Variants in VPS37A observed in about 807,000 individuals in gnomAD.
VPS37A encodes the protein vacuolar protein sorting-associated protein 37A.
In VPS37A, 30 loss-of-function variants were observed where a neutral mutation model predicts 49.8. That is an observed-to-expected ratio of 0.60 (90% CI 0.45 to 0.82). The LOEUF (loss-of-function observed/expected upper bound fraction) is 0.82, where lower values mean the gene tolerates loss of function less well. Ranked by LOEUF, VPS37A falls within the 40% of genes least tolerant of loss-of-function variation. The pLI, the probability that VPS37A is intolerant of heterozygous loss-of-function variation, is 0.00. For missense variants in VPS37A, 593 were observed against 464.4 expected, an observed-to-expected ratio of 1.28 and a Z score of -2.55; for synonymous variants, 195 against 160.6, an observed-to-expected ratio of 1.21 and a Z score of -1.62.
Position 17,274,893 on chromosome 8 carries a change from G to A in VPS37A, c.577G>A (p.Ala193Thr), listed in dbSNP as rs374964443. ...TTSHTTAKPA[A>T]PSFGVLSNLP... ...AAGTCATACCACAGCCAAGCCTGCCGCTCCTTCATTTGGTGTCCTTTCAAA... is the reference window on the plus strand; with the variant it reads ...AAGTCATACCACAGCCAAGCCTGCCACTCCTTCATTTGGTGTCCTTTCAAA... The change falls in exon 5 of 12, where the codon GCT (alanine) becomes ACT (threonine). Residue 193 changes from alanine (A) to threonine (T), a missense_variant. Physicochemically the swap from Ala to Thr is moderately conservative, Grantham distance 58 (BLOSUM62 0). Coordinates refer to ENST00000324849, the MANE Select transcript of VPS37A (RefSeq NM_152415.3). 4.3e-5 allele frequency: 70 copies of A among 1,614,056 alleles called. No individual in the cohort carries two copies. The African/African-American group carries it at 6.1e-4, about 14-fold the overall frequency.
chr8:17,304,087 A>G (rs576225966), downstream of VPS37A, among the ~76,000 whole-genome samples: 98 of 152,308 alleles, frequency 6.4e-4, no homozygotes, highest in Non-Finnish European at 1.1e-3. Flanking sequence ...AGGCATTTGC[A>G]TTATTCTCTT....
the VPS37A span, among the ~76,000 whole-genome samples, chr8:17,328,286 A>G: frequency 0.61 from 93,140 of 151,916 alleles, 30,151 homozygotes; most frequent in African/African-American, 0.82. Context: ...GTAACTCCAT[A>G]CACCTTTCCA....
chr8:17,318,750 A>G, the VPS37A span, among the ~76,000 whole-genome samples: 1 of 152,052 alleles, frequency 6.6e-6, no homozygotes, highest in Non-Finnish European at 1.5e-5. Flanking sequence ...GCCCACTCCA[A>G]TCTGTCCTCA....
Position 17,247,199 on chromosome 8 carries a change from G to A in VPS37A, c.-46G>A. 6.4e-7 allele frequency: 1 copy of A among 1,556,040 alleles called. No homozygotes were observed. Among genetic ancestry groups the A allele is most frequent in the Non-Finnish European group, 8.7e-7 (1 of 1,150,052 alleles). ...CCGCCGGGCCGAGCCACTGGGAGAA[G>A]CAGGCCAGAGCCTTCCAGGGCCTCC... On this transcript the variant is annotated 5_prime_UTR_variant, in exon 1 of 12. Transcript: ENST00000324849.
the VPS37A span, among the ~76,000 whole-genome samples, chr8:17,329,746 T>TA: frequency 6.6e-6 from 1 of 152,242 alleles, no homozygotes; most frequent in East Asian, 1.9e-4. Flanking sequence ...TTTCAACACA[T>TA]AAAAAACATA....
intron 4 of VPS37A, chr8:17,272,116 C>T (rs1814052758): frequency 1.3e-5 from 6 of 455,902 alleles, no homozygotes; most frequent in South Asian, 9.3e-5. Flanking sequence ...GTAAACTTTC[C>T]ACTAATAAAA....
At chr8:17,298,778 A>G (rs962102671), downstream of VPS37A, 15 of 152,602 alleles carry the variant, frequency 9.8e-5, no homozygotes, top group African/African-American at 3.6e-4. Flanking sequence ...AACTCATAAG[A>G]TAGGGGAGGG....
At position 17,247,084 on chromosome 8, in the gene VPS37A, G is replaced by C. The variant is rs1220873999; in HGVS notation, c.-161G>C. On this transcript the variant is annotated 5_prime_UTR_variant, in exon 1 of 12. Transcript: ENST00000324849. The stretch of plus-strand genomic sequence containing the variant: ...GTTCGTAGCATGTCCCCCAGAACTC[G>C]GGGAGCGCAGGCAGGACAGGCTTAG... 7 of 923,318 alleles carry C rather than the reference G, an allele frequency of 7.6e-6. 1 individual carries two copies. Among genetic ancestry groups the C allele is most frequent in the Non-Finnish European group, 3.2e-6 (2 of 626,110 alleles). The allele number at this position is 923,318 out of a possible 1,614,324, so 57.2% of individuals were successfully genotyped here.
chr8:17,309,070 ATTAG>A, the VPS37A span, among the ~76,000 whole-genome samples: 324 of 152,362 alleles, frequency 2.1e-3, 1 homozygote, highest in Middle Eastern at 3.4e-3. Flanking sequence ...ACAAGTTAAC[ATTAG>A]TTAGTTCTGC....
intron 9 of VPS37A, among the ~76,000 whole-genome samples, chr8:17,281,511 A>G (rs1204639934): frequency 1.3e-5 from 2 of 151,982 alleles, no homozygotes; most frequent in East Asian, 1.9e-4. Flanking sequence ...CTTATTTGAA[A>G]AAGAATACTA....
downstream of VPS37A, among the ~76,000 whole-genome samples, chr8:17,300,669 G>GTT (rs1817052488): frequency 6.6e-6 from 1 of 152,118 alleles, no homozygotes; most frequent in African/African-American, 2.4e-5. Context: ...GTGGTTTTTA[G>GTT]TTATATTCAC....
At chr8:17,313,383 G>A in the VPS37A span, 1 of 1,610,356 alleles carries the variant, frequency 6.2e-7, no homozygotes, top group Non-Finnish European at 8.5e-7. Context: ...ACTCATGGAG[G>A]GAGATTTAAG....
At chr8:17,250,473 T>C (rs1811869814) in intron 1 of VPS37A, among the ~76,000 whole-genome samples, 1 of 152,224 alleles carries the variant, frequency 6.6e-6, no homozygotes. Context: ...ATGAGGAATA[T>C]CAATATCTTG....
intron 11 of VPS37A, among the ~76,000 whole-genome samples, chr8:17,294,668 C>T (rs564443662): frequency 3.2e-4 from 49 of 152,272 alleles, no homozygotes; most frequent in African/African-American, 1.2e-3. Context: ...TCAAGGCTTC[C>T]CTTGGCTAGG....
intron 11 of VPS37A, among the ~76,000 whole-genome samples, chr8:17,292,844 C>A (rs964404172): frequency 1.3e-5 from 2 of 152,192 alleles, no homozygotes; most frequent in African/African-American, 4.8e-5. Flanking sequence ...TGATGGGCTT[C>A]CCTTTGTGGG....
Position 17,248,261 on chromosome 8 carries a change from C to CCTTTTTTTTTTTTTTTTTT in VPS37A, c.125+892_125+893insCTTTTTTTTTTTTTTTTTT. The stretch of plus-strand genomic sequence containing the variant: ...GACAACATTGTTAAGTCCCTAACCC[C>CCTTTTTTTTTTTTTTTTTT]TTTTTTTTTTTTTTTTTTTGCCGGG... On this transcript the variant is annotated intron_variant, in intron 1 of 11. Coordinates refer to ENST00000324849, the MANE Select transcript of VPS37A (RefSeq NM_152415.3). The CCTTTTTTTTTTTTTTTTTT allele has an allele frequency of 5.0e-6, 2 of 397,000 alleles. 1 individual carries two copies. Among genetic ancestry groups the CCTTTTTTTTTTTTTTTTTT allele is most frequent in the Non-Finnish European group, 9.8e-6 (2 of 205,022 alleles). The allele number at this position is 397,000 out of a possible 1,614,324, so 24.6% of individuals were successfully genotyped here.
At chr8:17,327,045 A>G in the VPS37A span, among the ~76,000 whole-genome samples, 4 of 152,236 alleles carry the variant, frequency 2.6e-5, no homozygotes, top group South Asian at 4.1e-4. Flanking sequence ...TGTATAGTGA[A>G]TAAGAATATG....
chr8:17,285,681 C>A (rs986114714), intron 10 of VPS37A, among the ~76,000 whole-genome samples: 3 of 152,106 alleles, frequency 2.0e-5, no homozygotes, highest in Non-Finnish European at 4.4e-5. Flanking sequence ...TAGTGACTTA[C>A]TTATGGTTAT....
chr8:17,259,478 GT>G (rs1452691404), intron 1 of VPS37A, among the ~76,000 whole-genome samples: 1 of 152,040 alleles, frequency 6.6e-6, no homozygotes, highest in Non-Finnish European at 1.5e-5. Context: ...GTTCAGACTT[GT>G]TTTCTGGCCT....
Sources: gnomAD v4.1 joint callset for allele counts (sites outside exome capture counted in the v4.1 genomes callset) on GRCh38, gnomAD v4.1.1 for gene constraint, MANE v1.5 for transcripts, NCBI Gene and HGNC (gene_info 2026-07-23, HGNC 2026-07-21) for gene names.